The following ERC2 variants were observed in gnomAD, a reference collection of about 807,000 sequenced individuals.
ERC2 encodes the protein ERC protein 2.
In ERC2, 42 loss-of-function variants were observed where a neutral mutation model predicts 114.8. That is an observed-to-expected ratio of 0.37 (90% CI 0.29 to 0.47). ERC2 has a LOEUF of 0.47. Ranked by LOEUF, ERC2 falls within the 20% of genes least tolerant of loss-of-function variation. The pLI, the probability that ERC2 is intolerant of heterozygous loss-of-function variation, is 0.99. For synonymous variants in ERC2, 454 were observed against 425.5 expected, an observed-to-expected ratio of 1.07 and a Z score of -0.82; for missense variants, 939 against 1,150.7, an observed-to-expected ratio of 0.82 and a Z score of 2.66.
chr3:55,858,125 C>T (rs1250136148), intron 14 of ERC2, among the ~76,000 whole-genome samples: 1 of 152,014 alleles, frequency 6.6e-6, no homozygotes, highest in African/African-American at 2.4e-5. Flanking sequence ...ACACATATGC[C>T]ATAACTAAAC....
chr3:55,694,026 A>T (rs1016898797), intron 16 of ERC2, among the ~76,000 whole-genome samples: 1 of 152,206 alleles, frequency 6.6e-6, no homozygotes, highest in Non-Finnish European at 1.5e-5. Context: ...CATTTAATTC[A>T]ATTTTGGAAA....
At chr3:55,872,334 C>T (rs1317495906) in intron 14 of ERC2, among the ~76,000 whole-genome samples, 1 of 152,060 alleles carries the variant, frequency 6.6e-6, no homozygotes, top group Non-Finnish European at 1.5e-5. Flanking sequence ...CGCATGGATG[C>T]CAGGCTTCCA....
intron 14 of ERC2, among the ~76,000 whole-genome samples, chr3:55,744,734 A>G (rs139132495): frequency 2.6e-5 from 4 of 152,330 alleles, no homozygotes; most frequent in African/African-American, 4.8e-5. Flanking sequence ...TTCATTTTCA[A>G]TAAATCCCTG....
chr3:56,004,943 T>G (rs954769594), intron 10 of ERC2, among the ~76,000 whole-genome samples: 2 of 152,032 alleles, frequency 1.3e-5, no homozygotes, highest in Admixed American at 1.3e-4. Flanking sequence ...TGGCTTATAT[T>G]TTCAAATATT....
chr3:55,682,160 T>C (rs1309605895), intron 17 of ERC2, among the ~76,000 whole-genome samples: 1 of 152,224 alleles, frequency 6.6e-6, no homozygotes, highest in Non-Finnish European at 1.5e-5. Context: ...TTTATTAGCT[T>C]TTCTCTGTGA....
At chr3:55,673,889 C>A (rs895705675) in intron 17 of ERC2, among the ~76,000 whole-genome samples, 1 of 148,230 alleles carries the variant, frequency 6.7e-6, no homozygotes, top group Admixed American at 6.8e-5. Flanking sequence ...GATCAAGGTG[C>A]ACAGAAAGAA....
intron 15 of ERC2, among the ~76,000 whole-genome samples, chr3:55,717,000 G>A (rs2064158457): frequency 6.6e-6 from 1 of 152,108 alleles, no homozygotes; most frequent in Admixed American, 6.6e-5. Context: ...CAGCTTCTTG[G>A]TGACTCTCCC....
chr3:55,738,215 A>G (rs1043346443), intron 14 of ERC2, among the ~76,000 whole-genome samples: 2 of 152,160 alleles, frequency 1.3e-5, no homozygotes, highest in Non-Finnish European at 1.5e-5. Flanking sequence ...ATAGTTTTCG[A>G]CATACAAATG....
chr3:56,419,275 T>C (rs2061294774), intron 2 of ERC2, among the ~76,000 whole-genome samples: 1 of 152,218 alleles, frequency 6.6e-6, no homozygotes, highest in African/African-American at 2.4e-5. Flanking sequence ...ATTTGTAGTA[T>C]GAGATTTGAG....
intron 7 of ERC2, among the ~76,000 whole-genome samples, chr3:56,060,731 C>T (rs546406419): frequency 8.1e-4 from 123 of 152,146 alleles, no homozygotes; most frequent in Non-Finnish European, 3.5e-4. Context: ...CCCAATGGAC[C>T]CTGTTCCATT....
intron 8 of ERC2, among the ~76,000 whole-genome samples, chr3:56,016,073 C>A (rs1313372535): frequency 6.6e-6 from 1 of 152,014 alleles, no homozygotes; most frequent in African/African-American, 2.4e-5. Flanking sequence ...TTCTTGTAAA[C>A]TTGTTTAAGT....
intron 17 of ERC2, among the ~76,000 whole-genome samples, chr3:55,541,448 A>C (rs2054388680): frequency 6.6e-6 from 1 of 152,224 alleles, no homozygotes; most frequent in Non-Finnish European, 1.5e-5. Context: ...CTACATGACA[A>C]GAGCCCTGGT....
chr3:56,289,112 A>G (rs991824544), intron 3 of ERC2, among the ~76,000 whole-genome samples: 14 of 152,140 alleles, frequency 9.2e-5, no homozygotes, highest in Middle Eastern at 3.2e-3. Context: ...CCAAGATTTC[A>G]TCAAACTCAA....
At chr3:55,759,694 A>C (rs1232237211) in intron 14 of ERC2, among the ~76,000 whole-genome samples, 1 of 152,106 alleles carries the variant, frequency 6.6e-6, no homozygotes, top group African/African-American at 2.4e-5. Context: ...CCTTTAGTAA[A>C]TCTAGTCTTT....
At chr3:55,721,896 G>T (rs535353788) in intron 15 of ERC2, among the ~76,000 whole-genome samples, 3 of 152,282 alleles carry the variant, frequency 2.0e-5, no homozygotes, top group African/African-American at 7.2e-5. Context: ...CACCTTTCTG[G>T]TTGGCTTCTG....
rs2059923463 is a variant in ERC2 at position 56,386,072 on chromosome 3, A to T, written c.657+48279T>A. On this transcript the variant is annotated intron_variant, in intron 2 of 17. Transcript: ENST00000288221. Reference sequence around the variant, plus strand: ...AATGGAAAGGGTTGGTTCAGTATGAATAAAACAGATGACCCCAAATTACCT... The same window carrying T: ...AATGGAAAGGGTTGGTTCAGTATGATTAAAACAGATGACCCCAAATTACCT... Among the ~76,000 whole-genome samples the T allele has an allele frequency of 2.0e-5, 3 of 152,180 alleles. No individual in the cohort carries two copies. In the South Asian group the frequency reaches 6.2e-4, roughly 32 times the overall value.
intron 17 of ERC2, chr3:55,610,506 A>AAC (rs1162337654): frequency 0.11 from 15,311 of 137,034 alleles, 898 homozygotes; most frequent in African/African-American, 0.17. Flanking sequence ...TCTACGGAAA[A>AAC]ACACACACAC....
chr3:55,561,393 G>T (rs571894238), intron 17 of ERC2, among the ~76,000 whole-genome samples: 3 of 152,202 alleles, frequency 2.0e-5, no homozygotes, highest in African/African-American at 2.4e-5. Flanking sequence ...CATTTCTGTG[G>T]GTTAGAGGGT....
chr3:55,865,916 T>C (rs1559786065), intron 14 of ERC2, among the ~76,000 whole-genome samples: 1 of 152,234 alleles, frequency 6.6e-6, no homozygotes, highest in Non-Finnish European at 1.5e-5. Context: ...GCTATGACCC[T>C]TCATGTACAA....
Sources: gnomAD v4.1 joint callset for allele counts (sites outside exome capture counted in the v4.1 genomes callset) on GRCh38, gnomAD v4.1.1 for gene constraint, MANE v1.5 for transcripts, NCBI Gene and HGNC (gene_info 2026-07-23, HGNC 2026-07-21) for gene names.